CAMKK2: variants seen among roughly 807,000 people sequenced by gnomAD.
CAMKK2 encodes the protein calcium/calmodulin-dependent protein kinase kinase 2.
A neutral mutation model predicts 67.2 loss-of-function variants in CAMKK2; 30 were observed. The observed-to-expected ratio is 0.45, with a 90% confidence interval of 0.33 to 0.61. The LOEUF is 0.61. CAMKK2 is among the 20% of genes least tolerant of loss of function. The pLI, the probability that CAMKK2 is intolerant of heterozygous loss-of-function variation, is 0.02. For synonymous variants in CAMKK2, 322 were observed against 326.2 expected (o/e 0.99, Z 0.14); for missense variants, 643 against 802.0 (o/e 0.80, Z 2.39).
chr12:121,255,264 TTATATATATATAATTA>T (rs1566058569), intron 9 of CAMKK2, among the ~76,000 whole-genome samples: 1,452 of 8,298 alleles, frequency 0.17, 375 homozygotes, highest in African/African-American at 0.39. Context: ...ATATATAATT[TTATATATATATAATTA>T]TATATATAAT....
intron 9 of CAMKK2, among the ~76,000 whole-genome samples, chr12:121,254,737 G>A (rs569581250): frequency 6.6e-6 from 1 of 152,344 alleles, no homozygotes; most frequent in African/African-American, 2.4e-5. Context: ...CAAGTGGCAG[G>A]AAGAAGGGTT....
chr12:121,244,185 C>T, intron 16 of CAMKK2: 1 of 1,578,326 alleles, frequency 6.3e-7, no homozygotes, highest in Non-Finnish European at 8.6e-7. Context: ...CGAAGAGCCA[C>T]ACAGTGCAGC....
At position 121,288,885 on chromosome 12, in the gene CAMKK2, G is replaced by A. The variant is rs1437586840; in HGVS notation, c.-60+7753C>T. On this transcript the variant is annotated intron_variant, in intron 1 of 16. Coordinates refer to ENST00000404169, the MANE Select transcript of CAMKK2 (RefSeq NM_001270485.2). Reference sequence around the variant, plus strand: ...TAGTTGCTCAGCAGCTTTCAGGATGGGGTGGGGTGGGGGTGGGGGCACTAC... The same window carrying A: ...TAGTTGCTCAGCAGCTTTCAGGATGAGGTGGGGTGGGGGTGGGGGCACTAC... 2.6e-5 allele frequency among the ~76,000 whole-genome samples: 4 copies of A among 152,146 alleles called. No individual in the cohort carries two copies. In the South Asian group the frequency reaches 6.2e-4, roughly 24 times the overall value.
At chr12:121,278,792 C>G (rs547571391) in intron 1 of CAMKK2, among the ~76,000 whole-genome samples, 67 of 152,342 alleles carry the variant, frequency 4.4e-4, no homozygotes, top group African/African-American at 1.6e-3. Context: ...TTATCAGCAG[C>G]GTGAAAACGG....
rs10669562 is a variant in CAMKK2 at position 121,275,489 on chromosome 12, C to CAAA, written c.-59-907_-59-905dup. On this transcript the variant is annotated intron_variant, in intron 1 of 16. Coordinates refer to ENST00000404169, the MANE Select transcript of CAMKK2 (RefSeq NM_001270485.2). ...ACTCAGCAATAGACCAAGACTGTCT[C>CAAA]AAAAAAAAAAAAAAAAAAAAGGTCG... 1.4e-3 allele frequency among the ~76,000 whole-genome samples: 87 copies of CAAA among 63,864 alleles called. 5 individuals are homozygous for CAAA. The highest frequency in any genetic ancestry group is 2.4e-3 in the African/African-American group (42 of 17,852). 41.9% of individuals were successfully genotyped at this position (63,864 alleles called of 152,430 possible). A position where few individuals can be genotyped will look rare whatever the true frequency, so the allele number is the denominator to read the frequency against.
intron 9 of CAMKK2, among the ~76,000 whole-genome samples, chr12:121,255,291 TATATATATAA>T (rs1566059067): frequency 1.0e-4 from 1 of 9,812 alleles, no homozygotes; most frequent in African/African-American, 5.5e-4. Context: ...TATATATAAT[TATATATATAA>T]TTTTATATAT....
In CAMKK2 at chr12:121,253,321, G is replaced by A. The variant is rs760480754; in HGVS notation, c.1059C>T (p.Phe353=). Residue 353 remains phenylalanine (F), a synonymous_variant, in exon 10 of 17, where the codon TTC becomes TTT. Transcript: ENST00000404169. The surrounding 1 kb of genome is among the most constrained non-coding windows in gnomAD (Gnocchi z 5.0). ...LLSNTVGTPA[F]MAPESLSETR... is the part of the protein sequence containing the mutation. ...TCTCAGAGAGCGACTCGGGTGCCAT[G>A]AAGGCGGGCGTGCCCACGGTGTTGG... The A allele has an allele frequency of 1.5e-5, 25 of 1,614,134 alleles. No homozygotes were observed. In the South Asian group the frequency reaches 2.3e-4, roughly 15 times the overall value.
At chr12:121,250,067 A>G (rs1890357959) in intron 11 of CAMKK2, 33 bp from the exon 12 acceptor site, 1 of 1,565,814 alleles carries the variant, frequency 6.4e-7, no homozygotes, top group African/African-American at 1.4e-5. Flanking sequence ...GTGGCAGTCA[A>G]TGGCGGCCAC....
intron 1 of CAMKK2, among the ~76,000 whole-genome samples, chr12:121,295,099 G>A (rs2136690961): frequency 6.6e-6 from 1 of 152,320 alleles, no homozygotes; most frequent in South Asian, 2.1e-4. Context: ...GAACCCGGGA[G>A]GCGGAGGTTG....
chr12:121,245,112 C>G lies in CAMKK2; in HGVS notation c.1553+28G>C. Reference sequence around the variant, plus strand: ...AGCCTAGCCTCCAGCCACCACTCCCCCACCCAAGAAGGCAGGCGGCCACTC... The same window carrying G: ...AGCCTAGCCTCCAGCCACCACTCCCGCACCCAAGAAGGCAGGCGGCCACTC... On this transcript the variant is annotated intron_variant, in intron 15 of 16. Transcript: ENST00000404169. This position sits in a 1 kb window ranked among gnomAD's most constrained non-coding sequence, Gnocchi z 5.8. The G allele has an allele frequency of 6.7e-7, 1 of 1,498,144 alleles. No individual in the cohort carries two copies. The highest frequency in any genetic ancestry group is 1.2e-5 in the South Asian group (1 of 84,262). The allele number at this position is 1,498,144 out of a possible 1,614,324, so 92.8% of individuals were successfully genotyped here. A position where few individuals can be genotyped will look rare whatever the true frequency, so the allele number is the denominator to read the frequency against.
At chr12:121,260,452 C>G in intron 6 of CAMKK2, 97 bp from the exon 7 acceptor site, 1 of 1,099,180 alleles carries the variant, frequency 9.1e-7, no homozygotes, top group Non-Finnish European at 1.4e-6. Flanking sequence ...CACGTGGCTG[C>G]GTTTGCCAAC....
intron 1 of CAMKK2, among the ~76,000 whole-genome samples, chr12:121,292,101 A>C (rs1205329571): frequency 6.6e-6 from 1 of 151,980 alleles, no homozygotes; most frequent in Admixed American, 6.6e-5. Flanking sequence ...AAAATGGTTA[A>C]GCTTATATTA....
At chr12:121,257,174 G>A (rs1270395164) in intron 7 of CAMKK2, among the ~76,000 whole-genome samples, 1 of 152,036 alleles carries the variant, frequency 6.6e-6, no homozygotes, top group Non-Finnish European at 1.5e-5. Context: ...ATTATGCACT[G>A]CATGCCGGTA....
Position 121,245,166 on chromosome 12 carries a change from T to C in CAMKK2, c.1527A>G (p.Ser509=). The change falls in exon 15 of 17, where the codon TCA becomes TCG. Residue 509 remains serine (S), a synonymous_variant. Transcript: ENST00000404169. The surrounding 1 kb of genome is among the most constrained non-coding windows in gnomAD (Gnocchi z 5.8). ...PFEGSRREER[S]LSAPGNLLTK... ...TGAGCAAGTTTCCAGGCGCTGACAG[T>C]GAGCGTTCCTCCCGCCGGCTGCCCT... 1.2e-6 allele frequency: 2 copies of C among 1,606,010 alleles called. No individual in the cohort carries two copies. The highest frequency in any genetic ancestry group is 1.7e-6 in the Non-Finnish European group (2 of 1,175,854).
intron 11 of CAMKK2, 71 bp from the exon 12 acceptor site, chr12:121,250,105 G>T: frequency 8.6e-7 from 1 of 1,158,446 alleles, no homozygotes; most frequent in Non-Finnish European, 1.3e-6. Context: ...CACCTGTGCT[G>T]TGCCACTCCA....
intron 5 of CAMKK2, among the ~76,000 whole-genome samples, chr12:121,267,647 T>G (rs1038821501): frequency 6.6e-6 from 1 of 151,742 alleles, no homozygotes; most frequent in Non-Finnish European, 1.5e-5. Flanking sequence ...CACACACCAC[T>G]ACGCTCAGCT....
rs1186249386 is a variant in CAMKK2 at position 121,253,903 on chromosome 12, G to A, written c.908-431C>T. On this transcript the variant is annotated intron_variant, in intron 9 of 16. Transcript: ENST00000404169. The surrounding 1 kb of genome is among the most constrained non-coding windows in gnomAD (Gnocchi z 5.0). Reference sequence around the variant, plus strand: ...TACCAAACCGACAATGACCTGAGCAGGCCGATTTGAAATGTGAACCACACA... The same window carrying A: ...TACCAAACCGACAATGACCTGAGCAAGCCGATTTGAAATGTGAACCACACA... Among the ~76,000 whole-genome samples, 1 of 152,194 alleles carries A rather than the reference G, an allele frequency of 6.6e-6. No individual in the cohort carries two copies. Among genetic ancestry groups the A allele is most frequent in the Non-Finnish European group, 1.5e-5 (1 of 68,030 alleles).
At position 121,274,265 on chromosome 12, in the gene CAMKK2, AC is replaced by A. The variant is rs1298211946; in HGVS notation, c.261del (p.Ser88ProfsTer30). The A allele has an allele frequency of 6.2e-7, 1 of 1,611,822 alleles. No individual in the cohort carries two copies. Among genetic ancestry groups the A allele is most frequent in the African/African-American group, 1.3e-5 (1 of 74,974 alleles). Reference protein sequence around the residue: ...DGQEVPLDTSGSQARPHLSGR... With the variant: ...DGQEVPLDTSXSQARPHLSGR... ...CCGGAGAGGTGGGGCCGGGCCTGGG[AC>A]CCGGAGGTGTCAAGGGGGACCTCTT... On this transcript the variant is annotated frameshift_variant, in exon 2 of 17. Coordinates refer to ENST00000404169, the MANE Select transcript of CAMKK2 (RefSeq NM_001270485.2). LOFTEE classifies it high-confidence loss of function.
At chr12:121,241,256 C>A (rs1888315039) in intron 16 of CAMKK2, among the ~76,000 whole-genome samples, 1 of 152,172 alleles carries the variant, frequency 6.6e-6, no homozygotes, top group African/African-American at 2.4e-5. Context: ...TGAGCCCTTA[C>A]AGGGAAGGGA....
Sources: gnomAD v4.1 joint callset for allele counts (sites outside exome capture counted in the v4.1 genomes callset) on GRCh38, gnomAD v4.1.1 for gene constraint, Gnocchi (gnomAD v3.1) non-coding constraint, MANE v1.5 for transcripts, NCBI Gene and HGNC (gene_info 2026-07-23, HGNC 2026-07-21) for gene names.